Variants in EPAS1 observed in about 807,000 individuals in gnomAD.
EPAS1 encodes the protein endothelial PAS domain protein 1.
Under a neutral mutation model 87.9 loss-of-function variants are expected in EPAS1, and 23 were observed. The ratio of observed to expected loss-of-function variants is 0.26; its 90% confidence interval spans 0.19 to 0.37. EPAS1 has a LOEUF of 0.37. Among genes scored for constraint, EPAS1 ranks in the 10% least tolerant of loss-of-function variants. EPAS1 has a pLI of 1.00. For missense variants in EPAS1, 1,138 were observed against 1,120.7 expected (o/e 1.02, Z -0.22); for synonymous variants, 508 against 444.3 (o/e 1.14, Z -1.80).
At chr2:46,340,604 C>T (rs752319310) in intron 1 of EPAS1, among the ~76,000 whole-genome samples, 2 of 152,210 alleles carry the variant, frequency 1.3e-5, no homozygotes, top group Admixed American at 1.3e-4. Context: ...AGAGACCATG[C>T]CCCTCAGGAG....
chr2:46,346,992 C>A lies in EPAS1; in HGVS notation c.146C>A (p.Ser49Tyr), dbSNP rs149898744. The A allele has an allele frequency of 5.3e-4, 859 of 1,614,072 alleles. No homozygotes were observed. The highest frequency in any genetic ancestry group is 7.0e-4 in the Non-Finnish European group (826 of 1,180,042). ...HELPLPHSVSSHLDKASIMRL... is the reference protein window; with the variant it reads ...HELPLPHSVSYHLDKASIMRL... ...CTGCCTCTGCCCCACAGTGTGAGCTCCCATCTGGACAAGGCCTCCATCATG... is the reference window on the plus strand; with the variant it reads ...CTGCCTCTGCCCCACAGTGTGAGCTACCATCTGGACAAGGCCTCCATCATG... The change falls in exon 2 of 16, where the codon TCC (serine) becomes TAC (tyrosine). Residue 49 changes from serine to tyrosine, a missense_variant. Ser to Tyr is a moderately radical substitution (Grantham distance 144). Transcript: ENST00000263734. This position sits in a 1 kb window ranked among gnomAD's most constrained non-coding sequence, Gnocchi z 4.0.
In EPAS1 at chr2:46,360,760, G is replaced by C. The variant is rs369472500; in HGVS notation, c.573+4G>C. 1.2e-6 allele frequency: 2 copies of C among 1,614,046 alleles called. No individual in the cohort carries two copies. Among genetic ancestry groups the C allele is most frequent in the Admixed American group, 1.7e-5 (1 of 60,016 alleles). On this transcript the variant is annotated splice_donor_region_variant and intron_variant, in intron 5 of 15. Transcript: ENST00000263734. This position sits in a 1 kb window ranked among gnomAD's most constrained non-coding sequence, Gnocchi z 4.5. Reference sequence around the variant, plus strand: ...CCTCAAGTCAGCCACCTGGAAGGTAGGGCAACATCAGGCCTGGGTTGGAGT... The same window carrying C: ...CCTCAAGTCAGCCACCTGGAAGGTACGGCAACATCAGGCCTGGGTTGGAGT...
Position 46,350,744 on chromosome 2 carries a change from GC to G in EPAS1, c.217+3684del, listed in dbSNP as rs1451463276. 6.6e-5 allele frequency among the ~76,000 whole-genome samples: 10 copies of G among 152,330 alleles called. No homozygotes were observed. In the South Asian group the frequency reaches 1.0e-3, roughly 16 times the overall value. ...CATTGTAAAACTGAATTTTGGGCTT[GC>G]CCAAACTCATACATGGCGAAATCAA... On this transcript the variant is annotated intron_variant, in intron 2 of 15. Transcript: ENST00000263734.
At chr2:46,384,258 C>T (rs1197756631) in intron 15 of EPAS1, among the ~76,000 whole-genome samples, 2 of 152,216 alleles carry the variant, frequency 1.3e-5, no homozygotes, top group Admixed American at 6.5e-5. Context: ...CTTCCTGAAG[C>T]TTCCACATAC....
At chr2:46,321,585 C>G (rs909309037) in intron 1 of EPAS1, among the ~76,000 whole-genome samples, 2 of 152,018 alleles carry the variant, frequency 1.3e-5, no homozygotes, top group Non-Finnish European at 2.9e-5. Context: ...ATCAGCCATC[C>G]TAGTGGGTGT....
intron 1 of EPAS1, among the ~76,000 whole-genome samples, chr2:46,318,935 T>A (rs1683399394): frequency 6.6e-6 from 1 of 152,214 alleles, no homozygotes; most frequent in African/African-American, 2.4e-5. Context: ...AAGTTCCACT[T>A]ATAGAGGTAT....
In EPAS1 at chr2:46,300,876, G is replaced by A. The variant is rs1682982522; in HGVS notation, c.26+2939G>A. ...CAATCTCCCCCTCCTTCTGACAGCT[G>A]GACTTAGTTGTTCCTCTTCTAAAAT... On this transcript the variant is annotated intron_variant, in intron 1 of 15. Transcript: ENST00000263734. This position sits in a 1 kb window ranked among gnomAD's most constrained non-coding sequence, Gnocchi z 4.1. Among the ~76,000 whole-genome samples the A allele has an allele frequency of 6.6e-6, 1 of 152,068 alleles. No homozygotes were observed. The highest frequency in any genetic ancestry group is 2.4e-5 in the African/African-American group (1 of 41,404).
Position 46,380,283 on chromosome 2 carries a change from G to T in EPAS1, c.1611G>T (p.Gly537=). 1 of 1,613,956 alleles carries T rather than the reference G, an allele frequency of 6.2e-7. No homozygotes were observed. The highest frequency in any genetic ancestry group is 8.5e-7 in the Non-Finnish European group (1 of 1,179,998). ...TGGCACCCTATATCCCCATGGACGG[G>T]GAAGACTTCCAGCTAAGCCCCATCT... The part of the protein sequence containing the change: ...ETLAPYIPMD[G]EDFQLSPICP... Residue 537 remains glycine, a synonymous_variant, in exon 12 of 16, where the codon GGG becomes GGT. Coordinates refer to ENST00000263734, the MANE Select transcript of EPAS1 (RefSeq NM_001430.5). The surrounding 1 kb of genome is among the most constrained non-coding windows in gnomAD (Gnocchi z 4.4).
chr2:46,337,954 G>A (rs1038168349), intron 1 of EPAS1, among the ~76,000 whole-genome samples: 1 of 152,216 alleles, frequency 6.6e-6, no homozygotes, highest in East Asian at 1.9e-4. Context: ...AGGCAAAATG[G>A]TGGCCAGCGT....
At position 46,386,208 on chromosome 2, in the gene EPAS1, A is replaced by G. The variant is rs1464445814; in HGVS notation, c.*1548A>G. 2 of 152,658 alleles carry G rather than the reference A, an allele frequency of 1.3e-5. No homozygotes were observed. The highest frequency in any genetic ancestry group is 1.9e-4 in the East Asian group (1 of 5,202). The allele number at this position is 152,658 out of a possible 1,614,324, so 9.5% of individuals were successfully genotyped here. On this transcript the variant is annotated 3_prime_UTR_variant, in exon 16 of 16. Coordinates refer to ENST00000263734, the MANE Select transcript of EPAS1 (RefSeq NM_001430.5). ...GAGGGACGACACCTCTGGTTTTTCA[A>G]TACCAATTACATGGAACTTTTCTGT...
intron 1 of EPAS1, among the ~76,000 whole-genome samples, chr2:46,298,915 A>C (rs1682940237): frequency 6.6e-6 from 1 of 151,654 alleles, no homozygotes; most frequent in South Asian, 2.1e-4. Flanking sequence ...TCCTGTCTCC[A>C]CCCGTGCGGC....
At position 46,380,259 on chromosome 2, in the gene EPAS1, G is replaced by A; in HGVS notation, c.1587G>A (p.Leu529=). 1 of 1,613,436 alleles carries A rather than the reference G, an allele frequency of 6.2e-7. No individual in the cohort carries two copies. The highest frequency in any genetic ancestry group is 1.1e-5 in the South Asian group (1 of 91,078). The change falls in exon 12 of 16, where the codon CTG becomes CTA. Residue 529 remains leucine, a synonymous_variant. Transcript: ENST00000263734. The surrounding 1 kb of genome is among the most constrained non-coding windows in gnomAD (Gnocchi z 4.4). ...TDFNELDLET[L]APYIPMDGED... ...TCAATGAGCTGGACTTGGAGACACT[G>A]GCACCCTATATCCCCATGGACGGGG...
At position 46,375,620 on chromosome 2, in the gene EPAS1, G is replaced by A. The variant is rs1486485008; in HGVS notation, c.887-70G>A. 1.4e-5 allele frequency: 22 copies of A among 1,562,084 alleles called. No individual in the cohort carries two copies. Among genetic ancestry groups the A allele is most frequent in the African/African-American group, 2.7e-5 (2 of 73,480 alleles). ...TGCAGATTAGACTGCCCTCCCATGC[G>A]ATCTGCTGAGCCTGTGGTGCACACC... On this transcript the variant is annotated intron_variant, in intron 7 of 15. Coordinates refer to ENST00000263734, the MANE Select transcript of EPAS1 (RefSeq NM_001430.5). The surrounding 1 kb of genome is among the most constrained non-coding windows in gnomAD (Gnocchi z 4.1).
rs1458317499 is a variant in EPAS1 at position 46,297,747 on chromosome 2, C to G, written c.-165C>G. ...ACCCCCGCCCCCGCACCTAGCCCGC[C>G]GCGCGCCACCTTCCACCTGACTGCG... is the stretch of plus-strand genomic sequence containing the variant. On this transcript the variant is annotated 5_prime_UTR_variant, in exon 1 of 16. Transcript: ENST00000263734. The G allele has an allele frequency of 3.5e-6, 3 of 847,784 alleles. No homozygotes were observed. The highest frequency in any genetic ancestry group is 1.7e-5 in the South Asian group (1 of 59,192). The allele number at this position is 847,784 out of a possible 1,614,324, so 52.5% of individuals were successfully genotyped here.
At chr2:46,341,044 A>G (rs1683902298) in intron 1 of EPAS1, among the ~76,000 whole-genome samples, 1 of 152,178 alleles carries the variant, frequency 6.6e-6, no homozygotes, top group South Asian at 2.1e-4. Flanking sequence ...ACTATCTAAC[A>G]TTGATACCTT....
Position 46,382,703 on chromosome 2 carries a change from T to C in EPAS1, c.2461+105T>C. ...CTGCACAGTGCCAGGCACAGGGAGG[T>C]GCTTGACTTGAAGTCACCTATACAG... On this transcript the variant is annotated intron_variant, in intron 15 of 15. Transcript: ENST00000263734. 7 of 1,477,148 alleles carry C rather than the reference T, an allele frequency of 4.7e-6. No homozygotes were observed. The South Asian group carries it at 6.0e-5, about 13-fold the overall frequency. 91.5% of individuals were successfully genotyped at this position (1,477,148 alleles called of 1,614,324 possible). A position where few individuals can be genotyped will look rare whatever the true frequency, so the allele number is the denominator to read the frequency against.
intron 1 of EPAS1, among the ~76,000 whole-genome samples, chr2:46,320,777 G>C (rs1284384808): frequency 6.6e-6 from 1 of 152,230 alleles, no homozygotes; most frequent in African/African-American, 2.4e-5. Flanking sequence ...CTTTGTGTGA[G>C]AGTTTAGTTT....
chr2:46,384,358 C>A, intron 15 of EPAS1, 151 bp from the exon 16 acceptor site: 1 of 1,108,000 alleles, frequency 9.0e-7, no homozygotes, highest in Admixed American at 1.7e-5. Context: ...ACACGTTCCC[C>A]GGGCATGCAG....
chr2:46,312,498 T>A (rs1209578653), intron 1 of EPAS1, among the ~76,000 whole-genome samples: 1 of 146,658 alleles, frequency 6.8e-6, no homozygotes, highest in Admixed American at 6.6e-5. Context: ...CTTTTGCAAC[T>A]ATTATCTCAA....
Sources: gnomAD v4.1 joint callset for allele counts (sites outside exome capture counted in the v4.1 genomes callset) on GRCh38, gnomAD v4.1.1 for gene constraint, Gnocchi (gnomAD v3.1) non-coding constraint, MANE v1.5 for transcripts, NCBI Gene and HGNC (gene_info 2026-07-23, HGNC 2026-07-21) for gene names.